The following PPP2R2C variants were observed in gnomAD, a reference collection of about 807,000 sequenced individuals.
PPP2R2C encodes the protein protein phosphatase 2, regulatory subunit B, gamma.
In PPP2R2C, 10 loss-of-function variants were observed where a neutral mutation model predicts 45.3. The observed-to-expected ratio is 0.22, with a 90% CI of 0.14 to 0.37. The LOEUF (loss-of-function observed/expected upper bound fraction) is 0.37, where lower values mean the gene tolerates loss of function less well. PPP2R2C is among the 10% of genes least tolerant of loss of function. The pLI, the probability that PPP2R2C is intolerant of heterozygous loss-of-function variation, is 1.00. For missense variants in PPP2R2C, 308 were observed against 619.7 expected, an observed-to-expected ratio of 0.50 and a Z score of 5.34; for synonymous variants, 257 against 245.4, an observed-to-expected ratio of 1.05 and a Z score of -0.44.
chr4:6,346,249 A>G (rs1711909099), intron 6 of PPP2R2C, among the ~76,000 whole-genome samples: 1 of 152,114 alleles, frequency 6.6e-6, no homozygotes, highest in Non-Finnish European at 1.5e-5. Flanking sequence ...ATCTCGTGAC[A>G]ACCCACAGCT....
intron 1 of PPP2R2C, chr4:6,382,120 A>G (rs1443647966): frequency 9.4e-6 from 12 of 1,282,362 alleles, no homozygotes; most frequent in East Asian, 3.9e-5. Context: ...GTCATTCTTA[A>G]TATTTGAAAA....
chr4:6,391,612 G>C (rs1716650486), intron 1 of PPP2R2C, among the ~76,000 whole-genome samples: 1 of 152,248 alleles, frequency 6.6e-6, no homozygotes. Context: ...TCCACCCCAA[G>C]AGCACCAGGT....
intron 2 of PPP2R2C, among the ~76,000 whole-genome samples, chr4:6,484,444 A>G (rs1054611511): frequency 1.2e-4 from 18 of 151,816 alleles, no homozygotes; most frequent in African/African-American, 4.1e-4. Flanking sequence ...CTTCTATTTC[A>G]AAGTTGTTTT....
At chr4:6,533,638 C>T (rs12642889) in intron 2 of PPP2R2C, among the ~76,000 whole-genome samples, 28 of 152,186 alleles carry the variant, frequency 1.8e-4, no homozygotes, top group African/African-American at 6.0e-4. Flanking sequence ...TTGACATTGC[C>T]GTCCAAATGC....
At chr4:6,562,962 C>CAAAAAAAAAAAAAAAAAAAA (rs746793663) in intron 1 of PPP2R2C, among the ~76,000 whole-genome samples, 3 of 83,262 alleles carry the variant, frequency 3.6e-5, no homozygotes, top group African/African-American at 1.4e-4. Flanking sequence ...CCCTGCCAGC[C>CAAAAAAAAAAAAAAAAAAAA]AAAAAAAAAA....
At chr4:6,448,054 C>T (rs748487955) in intron 1 of PPP2R2C, among the ~76,000 whole-genome samples, 4 of 152,108 alleles carry the variant, frequency 2.6e-5, no homozygotes, top group Non-Finnish European at 4.4e-5. Flanking sequence ...GCACTACGAC[C>T]GGGGGATGCA....
chr4:6,481,557 C>T (rs1320478098), intron 2 of PPP2R2C, among the ~76,000 whole-genome samples: 1 of 152,164 alleles, frequency 6.6e-6, no homozygotes, highest in Non-Finnish European at 1.5e-5. Context: ...CGTAGAGAGA[C>T]AGCTTTATAA....
chr4:6,499,713 A>G (rs1722985676), intron 2 of PPP2R2C, among the ~76,000 whole-genome samples: 2 of 151,568 alleles, frequency 1.3e-5, no homozygotes, highest in Non-Finnish European at 2.9e-5. Flanking sequence ...TGTAATATTT[A>G]AGGTATATTT....
intron 2 of PPP2R2C, among the ~76,000 whole-genome samples, chr4:6,480,416 G>A (rs139758369): frequency 7.9e-4 from 121 of 152,240 alleles, no homozygotes; most frequent in African/African-American, 2.8e-3. Flanking sequence ...ATGTCACGAT[G>A]GTAGCTAGAC....
intron 1 of PPP2R2C, among the ~76,000 whole-genome samples, chr4:6,435,732 TCAGATGCCA>T (rs756478790): frequency 2.0e-5 from 3 of 152,214 alleles, no homozygotes; most frequent in Non-Finnish European, 4.4e-5. Flanking sequence ...CTTGTTAAGA[TCAGATGCCA>T]CAGGCTGGCA....
At position 6,375,858 on chromosome 4, in the gene PPP2R2C, C is replaced by T. The variant is rs1348726838; in HGVS notation, c.408G>A (p.Glu136=). The change falls in exon 4 of 9, where the codon GAG becomes GAA. Residue 136 remains glutamate, a synonymous_variant. Transcript: ENST00000382599. ...RPEGYNLKDE[E]GKLKDLSTVT... is the part of the protein sequence containing the mutation. ...CCGTGGACAGGTCCTTAAGTTTCCC[C>T]TCTTCATCCTTCAGGTTGTATCCTT... 1 of 1,614,212 alleles carries T rather than the reference C, an allele frequency of 6.2e-7. No homozygotes were observed. Among genetic ancestry groups the T allele is most frequent in the Admixed American group, 1.7e-5 (1 of 60,026 alleles).
chr4:6,362,115 G>A (rs888430079), intron 5 of PPP2R2C, among the ~76,000 whole-genome samples: 1 of 152,104 alleles, frequency 6.6e-6, no homozygotes, highest in African/African-American at 2.4e-5. Context: ...ATGAGGGAGG[G>A]AGGCAGAGAG....
At chr4:6,425,138 A>G (rs540325901) in intron 1 of PPP2R2C, among the ~76,000 whole-genome samples, 2 of 152,156 alleles carry the variant, frequency 1.3e-5, no homozygotes, top group Non-Finnish European at 2.9e-5. Context: ...GCAATGCTGG[A>G]ACATGAGAGT....
At chr4:6,476,069 T>G (rs1722133905), upstream of PPP2R2C, among the ~76,000 whole-genome samples, 1 of 152,238 alleles carries the variant, frequency 6.6e-6, no homozygotes, top group Non-Finnish European at 1.5e-5. Context: ...AGAACCTTGA[T>G]GTTGGACTTT....
chr4:6,326,884 C>T (rs1484009423), intron 8 of PPP2R2C, among the ~76,000 whole-genome samples: 2 of 152,220 alleles, frequency 1.3e-5, no homozygotes, highest in Non-Finnish European at 2.9e-5. Flanking sequence ...GACCAACTGT[C>T]AGAGGGGGTC....
At chr4:6,384,320 T>C (rs1003855689) in intron 1 of PPP2R2C, 5 of 985,326 alleles carry the variant, frequency 5.1e-6, no homozygotes, top group Admixed American at 6.1e-5. Context: ...TCAGTGATTA[T>C]AGCCATGTGA....
chr4:6,475,513 C>A (rs752762280), upstream of PPP2R2C, among the ~76,000 whole-genome samples: 7 of 152,184 alleles, frequency 4.6e-5, no homozygotes, highest in Non-Finnish European at 8.8e-5. Flanking sequence ...TGGCTTCTTG[C>A]CATCCATCCC....
chr4:6,444,551 T>A (rs1374820946), intron 1 of PPP2R2C, among the ~76,000 whole-genome samples: 1 of 152,066 alleles, frequency 6.6e-6, no homozygotes, highest in Non-Finnish European at 1.5e-5. Flanking sequence ...TCCCTGAGGT[T>A]TCTCAAAATG....
chr4:6,339,370 G>A (rs1212852927), intron 6 of PPP2R2C, among the ~76,000 whole-genome samples: 1 of 152,262 alleles, frequency 6.6e-6, no homozygotes, highest in Admixed American at 6.5e-5. Flanking sequence ...AGCTTGTGCA[G>A]CTGCCTGCCG....
Sources: gnomAD v4.1 joint callset for allele counts (sites outside exome capture counted in the v4.1 genomes callset) on GRCh38, gnomAD v4.1.1 for gene constraint, MANE v1.5 for transcripts, NCBI Gene and HGNC (gene_info 2026-07-23, HGNC 2026-07-21) for gene names.